Variants in SUGCT observed in about 807,000 individuals in gnomAD.
SUGCT encodes succinyl-CoA:glutarate-CoA transferase, also known as succinyl-CoA:glutarate CoA-transferase.
A neutral mutation model predicts 55.0 loss-of-function variants in SUGCT; 41 were observed. The observed-to-expected ratio is 0.74, with a 90% CI of 0.58 to 0.97. The LOEUF is 0.97. Among genes scored for constraint, SUGCT ranks in the 50% least tolerant of loss-of-function variants. The probability of loss-of-function intolerance (pLI) is 0.00; values close to 1 mark genes in which losing one functional copy is unlikely to be tolerated. For synonymous variants in SUGCT, 187 were observed against 200.4 expected, an observed-to-expected ratio of 0.93 and a Z score of 0.56; for missense variants, 568 against 547.8, an observed-to-expected ratio of 1.04 and a Z score of -0.37.
intron 12 of SUGCT, among the ~76,000 whole-genome samples, chr7:40,600,566 A>G (rs566315909): frequency 7.0e-4 from 106 of 152,300 alleles, no homozygotes; most frequent in South Asian, 1.7e-3. Flanking sequence ...TTCTTTGATG[A>G]GAGACATGGA....
intron 12 of SUGCT, among the ~76,000 whole-genome samples, chr7:40,731,130 G>A (rs531228420): frequency 6.6e-6 from 1 of 152,326 alleles, no homozygotes; most frequent in South Asian, 2.1e-4. Flanking sequence ...GGAGGAGCAG[G>A]TGTGAGAAAG....
chr7:40,478,149 ACGCC>A (rs1208734174), intron 11 of SUGCT, among the ~76,000 whole-genome samples: 1 of 152,104 alleles, frequency 6.6e-6, no homozygotes, highest in Non-Finnish European at 1.5e-5. Flanking sequence ...TTACAGGCAT[ACGCC>A]ACCATGCCTG....
At chr7:41,000,403 T>C in the SUGCT span, among the ~76,000 whole-genome samples, 1 of 152,080 alleles carries the variant, frequency 6.6e-6, no homozygotes, top group Non-Finnish European at 1.5e-5. Context: ...GAGCCAGACA[T>C]TAAATGAATT....
At chr7:40,864,220 G>A (rs955504819), downstream of SUGCT, among the ~76,000 whole-genome samples, 9 of 152,172 alleles carry the variant, frequency 5.9e-5, no homozygotes, top group Non-Finnish European at 8.8e-5. Context: ...GCAGTGGTGC[G>A]ATCTCAGCTC....
chr7:40,662,529 T>C (rs1486040734), intron 12 of SUGCT, among the ~76,000 whole-genome samples: 1 of 152,208 alleles, frequency 6.6e-6, no homozygotes, highest in African/African-American at 2.4e-5. Context: ...TTCTGCCACA[T>C]TGGCCTTCCT....
the SUGCT span, among the ~76,000 whole-genome samples, chr7:40,935,223 G>A: frequency 6.6e-6 from 1 of 152,260 alleles, no homozygotes; most frequent in East Asian, 1.9e-4. Context: ...AATTTTGGCA[G>A]TCTGTCTAAT....
intron 8 of SUGCT, among the ~76,000 whole-genome samples, chr7:40,306,488 T>G (rs980830662): frequency 6.6e-6 from 1 of 152,196 alleles, no homozygotes; most frequent in Non-Finnish European, 1.5e-5. Context: ...ACAGATTGCC[T>G]TGCATATAAT....
intron 13 of SUGCT, among the ~76,000 whole-genome samples, chr7:40,762,061 C>A (rs1233181308): frequency 1.3e-5 from 2 of 152,152 alleles, no homozygotes; most frequent in Non-Finnish European, 2.9e-5. Context: ...CAGCCCCCAC[C>A]AGAAGAGCTT....
At chr7:40,248,928 C>CCT (rs68000009) in intron 7 of SUGCT, among the ~76,000 whole-genome samples, 1 of 142,504 alleles carries the variant, frequency 7.0e-6, no homozygotes, top group Non-Finnish European at 1.6e-5. Flanking sequence ...ACACACACTC[C>CCT]CTCTCTCTCT....
intron 9 of SUGCT, among the ~76,000 whole-genome samples, chr7:40,392,915 A>C (rs1347022664): frequency 6.6e-6 from 1 of 152,194 alleles, no homozygotes; most frequent in Non-Finnish European, 1.5e-5. Context: ...TAAGCCTGTA[A>C]AACTGGGTGG....
rs556708239 is a variant in SUGCT, at chr7:40,617,099, G to GA, written c.1089+120723dup. Among the ~76,000 whole-genome samples, 135 of 147,888 alleles carry GA rather than the reference G, an allele frequency of 9.1e-4. 1 individual carries two copies. The East Asian group carries it at 0.014, about 15-fold the overall frequency. On this transcript the variant is annotated intron_variant, in intron 12 of 13. Coordinates refer to ENST00000335693, the MANE Select transcript of SUGCT (RefSeq NM_001193313.2). ...ATCTTTTTCTTCTTGTTTAATATTTGAAAAAAAAAATCCAAAGACATTTGC... is the reference window on the plus strand; with the variant it reads ...ATCTTTTTCTTCTTGTTTAATATTTGAAAAAAAAAAATCCAAAGACATTTGC...
At chr7:40,929,123 C>T in the SUGCT span, among the ~76,000 whole-genome samples, 2 of 151,496 alleles carry the variant, frequency 1.3e-5, no homozygotes, top group South Asian at 2.1e-4. Flanking sequence ...GTGATGTTAC[C>T]CACCCTGTTC....
chr7:40,964,214 T>C, the SUGCT span, among the ~76,000 whole-genome samples: 2 of 152,206 alleles, frequency 1.3e-5, no homozygotes, highest in Non-Finnish European at 2.9e-5. Flanking sequence ...AACTTGGATC[T>C]TGCCTATGTA....
intron 12 of SUGCT, among the ~76,000 whole-genome samples, chr7:40,520,479 A>G (rs1477895775): frequency 6.6e-6 from 1 of 152,158 alleles, no homozygotes. Flanking sequence ...ATCAAGAGAA[A>G]TAATGGATAT....
chr7:40,772,451 G>A (rs144579525), intron 13 of SUGCT, among the ~76,000 whole-genome samples: 2 of 151,884 alleles, frequency 1.3e-5, no homozygotes, highest in Non-Finnish European at 2.9e-5. Context: ...CGTGATAGAC[G>A]CTAGATCTCC....
At chr7:40,692,604 C>A (rs1179713292) in intron 12 of SUGCT, among the ~76,000 whole-genome samples, 3 of 152,110 alleles carry the variant, frequency 2.0e-5, no homozygotes, top group Non-Finnish European at 4.4e-5. Flanking sequence ...TATACTACTG[C>A]AGCACACACT....
At chr7:40,455,544 G>C (rs2151439029) in intron 10 of SUGCT, among the ~76,000 whole-genome samples, 1 of 152,274 alleles carries the variant, frequency 6.6e-6, no homozygotes, top group Non-Finnish European at 1.5e-5. Context: ...AAGAAAACTG[G>C]AGTGGGGCTA....
intron 9 of SUGCT, among the ~76,000 whole-genome samples, chr7:40,368,104 C>T (rs1583527558): frequency 2.0e-5 from 3 of 152,196 alleles, no homozygotes; most frequent in East Asian, 1.9e-4. Flanking sequence ...TTGTCATCTC[C>T]GAAAGTCTTC....
At chr7:40,632,567 A>G (rs929185882) in intron 12 of SUGCT, among the ~76,000 whole-genome samples, 1 of 149,764 alleles carries the variant, frequency 6.7e-6, no homozygotes, top group Non-Finnish European at 1.5e-5. Flanking sequence ...TTACCCGACC[A>G]GTTTCTTTCT....
Sources: gnomAD v4.1 joint callset for allele counts (sites outside exome capture counted in the v4.1 genomes callset) on GRCh38, gnomAD v4.1.1 for gene constraint, MANE v1.5 for transcripts, NCBI Gene and HGNC (gene_info 2026-07-23, HGNC 2026-07-21) for gene names.